The following PCDHAC1 variants were observed in gnomAD, a reference collection of about 807,000 sequenced individuals.
PCDHAC1 encodes protocadherin alpha subfamily C, 1, also known as protocadherin alpha-C1.
PCDHAC1 carries 42 observed loss-of-function variants against 60.0 expected under a neutral mutation model. The ratio of observed to expected loss-of-function variants is 0.70; its 90% CI spans 0.55 to 0.90. PCDHAC1 has a LOEUF of 0.90. Among genes scored for constraint, PCDHAC1 ranks in the 40% least tolerant of loss-of-function variants. The probability of loss-of-function intolerance (pLI) is 0.00; values close to 1 mark genes in which losing one functional copy is unlikely to be tolerated. For synonymous variants in PCDHAC1, 468 were observed against 499.3 expected (o/e 0.94, Z 0.84); for missense variants, 1,160 against 1,222.3 (o/e 0.95, Z 0.76).
At chr5:140,987,681 G>A (rs1554249426) in intron 3 of PCDHAC1, among the ~76,000 whole-genome samples, 2 of 152,184 alleles carry the variant, frequency 1.3e-5, no homozygotes, top group Non-Finnish European at 2.9e-5. Context: ...TTAGTAAATA[G>A]TAGCTATTTT....
At chr5:140,942,867 C>T (rs1023164811) in intron 1 of PCDHAC1, among the ~76,000 whole-genome samples, 5 of 151,858 alleles carry the variant, frequency 3.3e-5, no homozygotes, top group Admixed American at 1.3e-4. Context: ...TTTGCTTTAG[C>T]ATGACAACTT....
chr5:140,935,144 A>C (rs1289868558), intron 1 of PCDHAC1, among the ~76,000 whole-genome samples: 1 of 152,184 alleles, frequency 6.6e-6, no homozygotes, highest in Non-Finnish European at 1.5e-5. Flanking sequence ...TGATACTTAG[A>C]GATATAATCT....
rs2098417657 is a variant in PCDHAC1, at chr5:141,010,566, C to T, written c.*629C>T. 3.4e-6 allele frequency: 1 copy of T among 290,180 alleles called. No individual in the cohort carries two copies. The highest frequency in any genetic ancestry group is 6.5e-6 in the Non-Finnish European group (1 of 154,226). The allele number at this position is 290,180 out of a possible 1,614,324, so 18.0% of individuals were successfully genotyped here. ...GACAAAACTACCCCCACTGACAAGG[C>T]TTTAGGAGACCCTAAAGTCTGTTGG... On this transcript the variant is annotated 3_prime_UTR_variant, in exon 4 of 4. Coordinates refer to ENST00000253807, the MANE Select transcript of PCDHAC1 (RefSeq NM_018898.5).
At chr5:140,959,826 T>C (rs2095512884) in intron 1 of PCDHAC1, among the ~76,000 whole-genome samples, 1 of 152,224 alleles carries the variant, frequency 6.6e-6, no homozygotes, top group Non-Finnish European at 1.5e-5. Flanking sequence ...CACATGATAA[T>C]GTATTATGCC....
intron 1 of PCDHAC1, among the ~76,000 whole-genome samples, chr5:140,965,292 C>T (rs1305794672): frequency 6.6e-6 from 1 of 152,152 alleles, no homozygotes; most frequent in Non-Finnish European, 1.5e-5. Flanking sequence ...GAAAGATTTC[C>T]TCTGATCCTT....
intron 3 of PCDHAC1, among the ~76,000 whole-genome samples, chr5:141,003,860 G>T (rs1224171720): frequency 6.6e-6 from 1 of 152,136 alleles, no homozygotes; most frequent in African/African-American, 2.4e-5. Flanking sequence ...ATTTATATGT[G>T]TCTGAAATCC....
intron 1 of PCDHAC1, chr5:140,967,421 C>T (rs2096138629): frequency 6.2e-7 from 1 of 1,613,120 alleles, no homozygotes; most frequent in Non-Finnish European, 8.5e-7. Context: ...AGACCGGGAG[C>T]AGGCAGCCTT....
intron 2 of PCDHAC1, among the ~76,000 whole-genome samples, chr5:140,980,478 A>G (rs1186753725): frequency 2.6e-5 from 4 of 152,172 alleles, no homozygotes; most frequent in African/African-American, 4.8e-5. Context: ...AAAAATACAA[A>G]AATTAGCTGG....
Position 141,005,701 on chromosome 5 carries a change from C to CAAA in PCDHAC1, c.2582-3898_2582-3896dup, listed in dbSNP as rs59860837. ...TGGGCGACAGAGCGAAACTCCGTCTCAAAAAAAAAAAAAAAAAAAAAAAAA... is the reference window on the plus strand; with the variant it reads ...TGGGCGACAGAGCGAAACTCCGTCTCAAAAAAAAAAAAAAAAAAAAAAAAAAAA... On this transcript the variant is annotated intron_variant, in intron 3 of 3. Transcript: ENST00000253807. Among the ~76,000 whole-genome samples the CAAA allele has an allele frequency of 9.1e-3, 71 of 7,774 alleles. 6 individuals are homozygous for CAAA. Among genetic ancestry groups the CAAA allele is most frequent in the Non-Finnish European group, 0.012 (43 of 3,684 alleles). 5.1% of individuals were successfully genotyped at this position (7,774 alleles called of 152,430 possible).
Position 140,928,729 on chromosome 5 carries a change from G to A in PCDHAC1, c.1837G>A (p.Ala613Thr), listed in dbSNP as rs2085477021. Residue 613 changes from alanine (A) to threonine (T), a missense_variant, in exon 1 of 4, where the codon GCC (alanine) becomes ACC (threonine). By Grantham distance (58) the Ala-to-Thr change is moderately conservative (BLOSUM62 0). This residue lies in a region of PCDHAC1 where 1,113 missense variants were observed against 1,163.7 expected (regional missense o/e 0.96). Coordinates refer to ENST00000253807, the MANE Select transcript of PCDHAC1 (RefSeq NM_018898.5). Reference sequence around the variant, plus strand: ...TGACTCTAGTCTCTTTAGAATTTCAGCCAATATAGGTGAGCTCCGTACTGC... The same window carrying A: ...TGACTCTAGTCTCTTTAGAATTTCAACCAATATAGGTGAGCTCCGTACTGC... ...ASDSSLFRISANIGELRTARL... is the reference protein window; with the variant it reads ...ASDSSLFRISTNIGELRTARL... 1 of 1,613,996 alleles carries A rather than the reference G, an allele frequency of 6.2e-7. No homozygotes were observed. The highest frequency in any genetic ancestry group is 8.5e-7 in the Non-Finnish European group (1 of 1,180,048).
chr5:140,940,903 A>T (rs1177865937), intron 1 of PCDHAC1, among the ~76,000 whole-genome samples: 1 of 152,242 alleles, frequency 6.6e-6, no homozygotes, highest in Admixed American at 6.5e-5. Context: ...CTTTAAATCA[A>T]GTTCAAGACT....
chr5:140,987,709 T>TATG (rs1359366930), intron 3 of PCDHAC1, among the ~76,000 whole-genome samples: 1 of 152,190 alleles, frequency 6.6e-6, no homozygotes, highest in Non-Finnish European at 1.5e-5. Flanking sequence ...TTTTTCCAGG[T>TATG]ATGAGTCTAT....
chr5:141,005,287 A>AT (rs1405339052), intron 3 of PCDHAC1, among the ~76,000 whole-genome samples: 5 of 152,162 alleles, frequency 3.3e-5, no homozygotes, highest in Admixed American at 1.3e-4. Context: ...AAACAGATAC[A>AT]TTTTTTGCCT....
intron 1 of PCDHAC1, among the ~76,000 whole-genome samples, chr5:140,939,338 G>A (rs2092369072): frequency 6.6e-6 from 1 of 152,116 alleles, no homozygotes; most frequent in South Asian, 2.1e-4. Context: ...TTAGGGGTTA[G>A]CATTTCAACT....
At chr5:140,967,373 A>C in intron 1 of PCDHAC1, 1 of 1,607,416 alleles carries the variant, frequency 6.2e-7, no homozygotes, top group Non-Finnish European at 8.5e-7. Flanking sequence ...CCTGCAGGAG[A>C]ACAGTAAAGT....
At chr5:140,966,851 C>T (rs782524148) in intron 1 of PCDHAC1, 15 of 1,573,232 alleles carry the variant, frequency 9.5e-6, no homozygotes, top group Middle Eastern at 1.7e-4. Context: ...ACTGCCTCTC[C>T]TGCTGCTGTT....
chr5:140,941,199 C>CTT (rs879983584), intron 1 of PCDHAC1, among the ~76,000 whole-genome samples: 22 of 115,972 alleles, frequency 1.9e-4, no homozygotes, highest in African/African-American at 6.6e-4. Context: ...TTTTTTCTTT[C>CTT]TTCCTTTCTT....
At chr5:140,970,384 C>T (rs2096401322) in intron 1 of PCDHAC1, among the ~76,000 whole-genome samples, 1 of 152,104 alleles carries the variant, frequency 6.6e-6, no homozygotes, top group Admixed American at 6.5e-5. Flanking sequence ...AAAAGGCTGG[C>T]TTGGAAAGTG....
Position 141,012,065 on chromosome 5 carries a change from T to G in PCDHAC1, c.*2128T>G, listed in dbSNP as rs2098422876. The G allele has an allele frequency of 6.5e-6, 1 of 153,794 alleles. No individual in the cohort carries two copies. Among genetic ancestry groups the G allele is most frequent in the Non-Finnish European group, 1.5e-5 (1 of 68,044 alleles). The allele number at this position is 153,794 out of a possible 1,614,324, so 9.5% of individuals were successfully genotyped here. A position where few individuals can be genotyped will look rare whatever the true frequency, so the allele number is the denominator to read the frequency against. ...GGGTAAAACTTGTTACCAACACATGTGAACCATTGCTACATTGTAGGTTGT... is the reference window on the plus strand; with the variant it reads ...GGGTAAAACTTGTTACCAACACATGGGAACCATTGCTACATTGTAGGTTGT... On this transcript the variant is annotated 3_prime_UTR_variant, in exon 4 of 4. Transcript: ENST00000253807.
Sources: gnomAD v4.1 joint callset for allele counts (sites outside exome capture counted in the v4.1 genomes callset) on GRCh38, gnomAD v4.1.1 for gene constraint, gnomAD v4.1.1 regional missense constraint, MANE v1.5 for transcripts, NCBI Gene and HGNC (gene_info 2026-07-23, HGNC 2026-07-21) for gene names.